Variants in BRD4 observed in about 807,000 individuals in gnomAD.
BRD4 encodes bromodomain-containing protein 4.
Under a neutral mutation model 142.1 loss-of-function variants are expected in BRD4, and 16 were observed. That is an observed-to-expected ratio of 0.11 (90% CI 0.08 to 0.17). The LOEUF is 0.17. BRD4 is among the 10% of genes least tolerant of loss of function. BRD4 has a pLI of 1.00. For missense variants in BRD4, 1,424 were observed against 1,810.9 expected (o/e 0.79, Z 3.88); for synonymous variants, 833 against 707.5 (o/e 1.18, Z -2.82).
chr19:15,245,070 C>CA, intron 11 of BRD4: 2 of 488,814 alleles, frequency 4.1e-6, no homozygotes, highest in Non-Finnish European at 7.4e-6. Flanking sequence ...TCCCACTACT[C>CA]AAGGGTCAGT....
At chr19:15,260,615 C>T (rs910491354) in intron 7 of BRD4, among the ~76,000 whole-genome samples, 2 of 152,142 alleles carry the variant, frequency 1.3e-5, no homozygotes, top group Non-Finnish European at 2.9e-5. Flanking sequence ...CAGCACCCCC[C>T]ACCCCTTGCC....
chr19:15,245,764 G>A (rs573849838), intron 11 of BRD4, among the ~76,000 whole-genome samples: 4 of 152,356 alleles, frequency 2.6e-5, no homozygotes, highest in African/African-American at 4.8e-5. Flanking sequence ...GGGAGGCCGG[G>A]CCCATGGTAT....
chr19:15,322,536 C>T (rs1238178742), intron 1 of BRD4, among the ~76,000 whole-genome samples: 8 of 148,640 alleles, frequency 5.4e-5, no homozygotes, highest in Admixed American at 2.7e-4. Context: ...GGTGAAACCC[C>T]GTCTCTACTA....
In BRD4 at chr19:15,249,915, C is replaced by G. The variant is rs182593700; in HGVS notation, c.2158+4237G>C. On this transcript the variant is annotated intron_variant, in intron 11 of 19. Coordinates refer to ENST00000679869, the MANE Select transcript of BRD4 (RefSeq NM_001379291.1). ...TCTAAAAAGCAGAACCTATTATATACACTGTTGAGGAGGAGAAAAAAAAGA... is the reference window on the plus strand; with the variant it reads ...TCTAAAAAGCAGAACCTATTATATAGACTGTTGAGGAGGAGAAAAAAAAGA... 2.1e-3 allele frequency among the ~76,000 whole-genome samples: 320 copies of G among 152,284 alleles called. 1 individual carries two copies. The highest frequency in any genetic ancestry group is 7.3e-3 in the African/African-American group (303 of 41,540).
chr19:15,329,461 C>T (rs891550971), intron 1 of BRD4, among the ~76,000 whole-genome samples: 1 of 152,130 alleles, frequency 6.6e-6, no homozygotes, highest in African/African-American at 2.4e-5. Flanking sequence ...ACAAAACAGG[C>T]CGGGCGCAGT....
chr19:15,240,694 C>T (rs1198307056), intron 14 of BRD4, among the ~76,000 whole-genome samples: 1 of 152,228 alleles, frequency 6.6e-6, no homozygotes, highest in Non-Finnish European at 1.5e-5. Flanking sequence ...GATCCAGCAG[C>T]CACAGGGACT....
intron 1 of BRD4, among the ~76,000 whole-genome samples, chr19:15,297,159 A>C (rs926942138): frequency 3.3e-5 from 5 of 152,254 alleles, no homozygotes; most frequent in African/African-American, 7.2e-5. Context: ...ACAAAGTCAC[A>C]GGATGTGATA....
chr19:15,247,601 C>G, intron 11 of BRD4: 1 of 232,980 alleles, frequency 4.3e-6, no homozygotes. Context: ...CATGCAGGCC[C>G]GACACTGGTA....
chr19:15,237,364 T>G lies in BRD4; in HGVS notation c.*1013A>C, dbSNP rs771461749. The G allele has an allele frequency of 1.4e-5, 3 of 222,128 alleles. No homozygotes were observed. The South Asian group carries it at 5.5e-4, about 41-fold the overall frequency. 13.8% of individuals were successfully genotyped at this position (222,128 alleles called of 1,614,324 possible). On this transcript the variant is annotated 3_prime_UTR_variant, in exon 20 of 20. Transcript: ENST00000679869. ...TATAGGCAGGATTTTTTTTGTGTGTTTTGTCTTTTTGTGGATTTTTTTGAG... is the reference window on the plus strand; with the variant it reads ...TATAGGCAGGATTTTTTTTGTGTGTGTTGTCTTTTTGTGGATTTTTTTGAG...
At chr19:15,305,838 T>G (rs1026668674) in intron 1 of BRD4, among the ~76,000 whole-genome samples, 4 of 152,384 alleles carry the variant, frequency 2.6e-5, no homozygotes, top group African/African-American at 9.6e-5. Flanking sequence ...AAATGTTTAC[T>G]GTAGCCACCT....
intron 1 of BRD4, among the ~76,000 whole-genome samples, chr19:15,294,342 C>A (rs1218299440): frequency 6.6e-6 from 1 of 152,248 alleles, no homozygotes; most frequent in African/African-American, 2.4e-5. Flanking sequence ...GACAGGCACC[C>A]AGCCCTCAAG....
At chr19:15,241,022 C>A (rs550102377) in intron 14 of BRD4, among the ~76,000 whole-genome samples, 224 of 152,318 alleles carry the variant, frequency 1.5e-3, no homozygotes, top group African/African-American at 5.2e-3. Context: ...CCACAATGCC[C>A]CAGGTGTGGT....
At chr19:15,272,639 T>C (rs943258581) in intron 2 of BRD4, among the ~76,000 whole-genome samples, 176 bp downstream of exon 2, 1 of 152,220 alleles carries the variant, frequency 6.6e-6, no homozygotes, top group African/African-American at 2.4e-5. Flanking sequence ...TAGCTCATTC[T>C]TTCTCCCTGA....
chr19:15,310,545 C>T (rs1245798915), intron 1 of BRD4, among the ~76,000 whole-genome samples: 1 of 151,772 alleles, frequency 6.6e-6, no homozygotes, highest in African/African-American at 2.4e-5. Context: ...TATTTTGAGT[C>T]GAGACAGGAC....
At chr19:15,264,311 G>A (rs1234078836) in intron 6 of BRD4, 93 bp downstream of exon 6, 2 of 1,477,856 alleles carry the variant, frequency 1.4e-6, no homozygotes, top group African/African-American at 2.8e-5. Flanking sequence ...TCCAGGGCCT[G>A]GGCTTCCTCT....
chr19:15,329,836 A>AC (rs2048141730), intron 1 of BRD4, among the ~76,000 whole-genome samples: 1 of 152,222 alleles, frequency 6.6e-6, no homozygotes, highest in Non-Finnish European at 1.5e-5. Flanking sequence ...AAATATTGTT[A>AC]CCCCCACCTC....
At position 15,243,189 on chromosome 19, in the gene BRD4, G is replaced by C. The variant is rs1332284858; in HGVS notation, c.2880C>G (p.Pro960=). 2.8e-6 allele frequency: 2 copies of C among 710,326 alleles called. No homozygotes were observed. The highest frequency in any genetic ancestry group is 7.2e-5 in the Admixed American group (2 of 27,682). The allele number at this position is 710,326 out of a possible 1,614,324, so 44.0% of individuals were successfully genotyped here. A position where few individuals can be genotyped will look rare whatever the true frequency, so the allele number is the denominator to read the frequency against. Residue 960 remains proline (P), a synonymous_variant, in exon 14 of 20, where the codon CCC becomes CCG. Coordinates refer to ENST00000679869, the MANE Select transcript of BRD4 (RefSeq NM_001379291.1). Reference sequence around the variant, plus strand: ...GCTGCTGCACAGAGGGGTGGGGTGGGGGCGGCAGGGGGGGTGGGGGCTGGG... The same window carrying C: ...GCTGCTGCACAGAGGGGTGGGGTGGCGGCGGCAGGGGGGGTGGGGGCTGGG... ...VQSQPPPPLP[P]PPHPSVQQQL...
At position 15,257,075 on chromosome 19, in the gene BRD4, CACA is replaced by C. The variant is rs751448447; in HGVS notation, c.1437_1439del (p.Val480del). On this transcript the variant is annotated inframe_deletion, in exon 8 of 20. Transcript: ENST00000679869. ...TGCTGTCGCTGGATGAGGGCGGGGC[CACA>C]ACCTTGGTGGGAGGGGGCACTGCCG... 3.7e-6 allele frequency: 6 copies of C among 1,606,122 alleles called. No individual in the cohort carries two copies. In the African/African-American group the frequency reaches 8.0e-5, roughly 21 times the overall value.
At chr19:15,316,421 C>T (rs2048018873) in intron 1 of BRD4, among the ~76,000 whole-genome samples, 1 of 151,824 alleles carries the variant, frequency 6.6e-6, no homozygotes, top group African/African-American at 2.4e-5. Context: ...GAAACCCTGT[C>T]TCTAATAAAA....
Sources: allele counts gnomAD v4.1 joint callset (sites outside exome capture counted in the v4.1 genomes callset), GRCh38; gene constraint gnomAD v4.1.1; transcripts MANE v1.5; gene names NCBI Gene and HGNC (gene_info 2026-07-23, HGNC 2026-07-21).